Variants in EYA1 observed in about 807,000 individuals in gnomAD.
EYA1 encodes the protein EYA transcriptional coactivator and phosphatase 1.
EYA1 carries 16 observed loss-of-function variants against 82.0 expected under a neutral mutation model. The ratio of observed to expected loss-of-function variants is 0.20; its 90% CI spans 0.13 to 0.30. The LOEUF (loss-of-function observed/expected upper bound fraction) is 0.30, where lower values mean the gene tolerates loss of function less well. Ranked by LOEUF, EYA1 falls within the 10% of genes least tolerant of loss-of-function variation. The pLI, the probability that EYA1 is intolerant of heterozygous loss-of-function variation, is 1.00. For synonymous variants in EYA1, 261 were observed against 264.4 expected (o/e 0.99, Z 0.12); for missense variants, 633 against 730.7 (o/e 0.87, Z 1.54).
intron 2 of EYA1, among the ~76,000 whole-genome samples, chr8:71,500,186 G>T (rs1425817389): frequency 5.9e-5 from 9 of 152,156 alleles, no homozygotes. Context: ...GAAAACATTA[G>T]CATATGAATA....
At chr8:71,362,492 T>G (rs1028322426), upstream of EYA1, among the ~76,000 whole-genome samples, 1 of 152,106 alleles carries the variant, frequency 6.6e-6, no homozygotes, top group Non-Finnish European at 1.5e-5. Context: ...AATCCACTAC[T>G]TTTCATAATT....
chr8:71,275,047 A>C (rs1816996222), intron 9 of EYA1, among the ~76,000 whole-genome samples: 1 of 149,680 alleles, frequency 6.7e-6, no homozygotes, highest in Admixed American at 6.7e-5. Context: ...AAGAACACAG[A>C]GATGAGGCTG....
chr8:71,500,097 G>A (rs1811708081), intron 2 of EYA1, among the ~76,000 whole-genome samples: 1 of 152,164 alleles, frequency 6.6e-6, no homozygotes, highest in Admixed American at 6.5e-5. Context: ...CATGTCCTGT[G>A]TAAAAGGGAT....
chr8:71,208,227 G>A (rs1210722596), intron 17 of EYA1, among the ~76,000 whole-genome samples: 1 of 152,034 alleles, frequency 6.6e-6, no homozygotes, highest in Non-Finnish European at 1.5e-5. Flanking sequence ...GGGGTCAGGA[G>A]ATTGAGACCA....
At chr8:71,222,224 A>G (rs1212516926) in intron 12 of EYA1, among the ~76,000 whole-genome samples, 1 of 152,074 alleles carries the variant, frequency 6.6e-6, no homozygotes, top group Non-Finnish European at 1.5e-5. Context: ...ACTGCTGGTA[A>G]CTCGGATACC....
chr8:71,282,114 A>G (rs1277942540), intron 9 of EYA1, among the ~76,000 whole-genome samples: 1 of 152,140 alleles, frequency 6.6e-6, no homozygotes, highest in Non-Finnish European at 1.5e-5. Context: ...CCCACCCGTA[A>G]GTACTCTGTA....
At chr8:71,470,887 G>T (rs959809260) in intron 2 of EYA1, 6 of 455,490 alleles carry the variant, frequency 1.3e-5, no homozygotes, top group Admixed American at 9.4e-5. Context: ...CTGCTGCTGT[G>T]GTTGCTCCAA....
intron 12 of EYA1, among the ~76,000 whole-genome samples, chr8:71,242,260 T>A (rs1812562813): frequency 6.6e-6 from 1 of 152,168 alleles, no homozygotes; most frequent in Non-Finnish European, 1.5e-5. Context: ...ATTTATTTTT[T>A]AAAATATTGT....
chr8:71,235,665 C>T (rs1811740833), intron 12 of EYA1, among the ~76,000 whole-genome samples: 1 of 152,112 alleles, frequency 6.6e-6, no homozygotes, highest in Non-Finnish European at 1.5e-5. Flanking sequence ...GGAGAATGTC[C>T]TTAATAAAGT....
intron 2 of EYA1, among the ~76,000 whole-genome samples, chr8:71,405,631 G>A (rs563008441): frequency 6.6e-6 from 1 of 152,274 alleles, no homozygotes; most frequent in East Asian, 1.9e-4. Context: ...TGCACGCTAA[G>A]CCACTCACTA....
At chr8:71,330,178 G>A (rs182211926) in intron 4 of EYA1, among the ~76,000 whole-genome samples, 1 of 152,274 alleles carries the variant, frequency 6.6e-6, no homozygotes, top group East Asian at 1.9e-4. Flanking sequence ...AGAGCCGAAT[G>A]GGAGCCTTTG....
At chr8:71,386,548 T>C (rs1828977270) in intron 2 of EYA1, among the ~76,000 whole-genome samples, 1 of 152,246 alleles carries the variant, frequency 6.6e-6, no homozygotes, top group Non-Finnish European at 1.5e-5. Context: ...TTGTGGGCCA[T>C]GAGTTGACAA....
intron 9 of EYA1, among the ~76,000 whole-genome samples, chr8:71,272,565 T>A (rs1816675397): frequency 1.3e-5 from 2 of 152,102 alleles, no homozygotes; most frequent in Non-Finnish European, 2.9e-5. Flanking sequence ...CTCATCTGGG[T>A]AACTCAGAGA....
chr8:71,406,803 G>A (rs1429920464), intron 2 of EYA1, among the ~76,000 whole-genome samples: 7 of 146,198 alleles, frequency 4.8e-5, no homozygotes, highest in Admixed American at 2.7e-4. Flanking sequence ...GGGGAGGGGC[G>A]CCCGCCATTG....
At chr8:71,248,810 G>C (rs191457966) in intron 11 of EYA1, among the ~76,000 whole-genome samples, 2 of 152,272 alleles carry the variant, frequency 1.3e-5, no homozygotes, top group Admixed American at 1.3e-4. Context: ...CAAGTCAAAT[G>C]TGAAAAAAGC....
At chr8:71,249,055 T>C (rs1187728153) in intron 11 of EYA1, among the ~76,000 whole-genome samples, 2 of 152,192 alleles carry the variant, frequency 1.3e-5, no homozygotes, top group African/African-American at 4.8e-5. Context: ...TTCAAAAAAT[T>C]ATTTAGAGCT....
intron 12 of EYA1, among the ~76,000 whole-genome samples, chr8:71,231,715 G>A (rs893076709): frequency 4.6e-5 from 7 of 152,190 alleles, no homozygotes; most frequent in Non-Finnish European, 8.8e-5. Context: ...GACATTCAGC[G>A]CAAAGTAGCT....
At chr8:71,274,367 C>G (rs1041062968) in intron 9 of EYA1, among the ~76,000 whole-genome samples, 1 of 152,210 alleles carries the variant, frequency 6.6e-6, no homozygotes, top group African/African-American at 2.4e-5. Flanking sequence ...ACTCTAACTT[C>G]TCCTTCCTCC....
At chr8:71,433,681 C>T (rs1768414632) in intron 2 of EYA1, among the ~76,000 whole-genome samples, 2 of 152,254 alleles carry the variant, frequency 1.3e-5, no homozygotes, top group Middle Eastern at 3.4e-3. Context: ...ACGGGTGTGA[C>T]TGGTGGTCTG....
Sources: allele counts gnomAD v4.1 joint callset (sites outside exome capture counted in the v4.1 genomes callset), GRCh38; gene constraint gnomAD v4.1.1; transcripts MANE v1.5; gene names NCBI Gene and HGNC (gene_info 2026-07-23, HGNC 2026-07-21).